CELF4: variants seen among roughly 807,000 people sequenced by gnomAD.
CELF4 encodes the protein CUG-BP- and ETR-3-like factor 4.
In CELF4, 18 loss-of-function variants were observed where a neutral mutation model predicts 59.9. That is an observed-to-expected ratio of 0.30 (90% CI 0.21 to 0.45). The LOEUF (loss-of-function observed/expected upper bound fraction) is 0.45. CELF4 is among the 20% of genes least tolerant of loss of function. The probability of loss-of-function intolerance (pLI) is 1.00; values close to 1 mark genes in which losing one functional copy is unlikely to be tolerated. For synonymous variants in CELF4, 261 were observed against 267.1 expected (o/e 0.98, Z 0.22); for missense variants, 456 against 689.0 (o/e 0.66, Z 3.79).
chr18:37,427,047 GGA>G (rs2099618753), intron 2 of CELF4, among the ~76,000 whole-genome samples: 1 of 151,462 alleles, frequency 6.6e-6, no homozygotes, highest in Non-Finnish European at 1.5e-5. Flanking sequence ...CGGGGGGGGG[GGA>G]AGCTGGGCAC....
intron 1 of CELF4, among the ~76,000 whole-genome samples, chr18:37,553,878 G>A (rs1292952528): frequency 1.3e-5 from 2 of 152,318 alleles, no homozygotes; most frequent in African/African-American, 4.8e-5. Context: ...ACTGGGGCCC[G>A]CAGTGTGTGT....
chr18:37,270,680 G>C, intron 8 of CELF4, 88 bp downstream of exon 8: 1 of 1,491,146 alleles, frequency 6.7e-7, no homozygotes, highest in Non-Finnish European at 9.3e-7. Flanking sequence ...GAGGGCAGGA[G>C]CCACATCTTG....
intron 1 of CELF4, among the ~76,000 whole-genome samples, chr18:37,521,671 C>T (rs557847368): frequency 6.6e-6 from 1 of 152,310 alleles, no homozygotes; most frequent in South Asian, 2.1e-4. Flanking sequence ...TCAGAGCGTG[C>T]CTGTCTCCCG....
chr18:37,366,696 C>T (rs2154562827), intron 2 of CELF4, among the ~76,000 whole-genome samples: 1 of 152,244 alleles, frequency 6.6e-6, no homozygotes, highest in East Asian at 1.9e-4. Flanking sequence ...GGCATCGCCA[C>T]TATCATTGGA....
intron 2 of CELF4, among the ~76,000 whole-genome samples, chr18:37,368,723 C>G (rs2098820173): frequency 6.6e-6 from 1 of 152,220 alleles, no homozygotes; most frequent in African/African-American, 2.4e-5. Context: ...ACAGCATCCT[C>G]CTCCCCTTCC....
intron 1 of CELF4, among the ~76,000 whole-genome samples, chr18:37,536,987 T>C (rs9954961): frequency 0.57 from 86,647 of 152,002 alleles, 25,450 homozygotes; most frequent in East Asian, 0.79. Context: ...TGTAGCACAT[T>C]CCCTGGGACT....
At chr18:37,454,774 AT>A (rs749594102) in intron 2 of CELF4, among the ~76,000 whole-genome samples, 60 of 152,358 alleles carry the variant, frequency 3.9e-4, no homozygotes, top group Non-Finnish European at 7.1e-4. Flanking sequence ...TTTTTTAAAA[AT>A]AACATGATTA....
chr18:37,506,484 T>G (rs1483871289), intron 1 of CELF4, among the ~76,000 whole-genome samples: 1 of 152,144 alleles, frequency 6.6e-6, no homozygotes, highest in African/African-American at 2.4e-5. Flanking sequence ...AGTGACCTCA[T>G]GGGCACAGAG....
intron 2 of CELF4, 37 bp from the exon 3 acceptor site, chr18:37,321,918 C>T: frequency 1.3e-6 from 2 of 1,565,900 alleles, no homozygotes; most frequent in Non-Finnish European, 1.7e-6. Flanking sequence ...TTATAGCAGG[C>T]CTGCGGGTGA....
intron 2 of CELF4, among the ~76,000 whole-genome samples, chr18:37,481,328 C>T (rs775043614): frequency 1.3e-5 from 2 of 152,184 alleles, no homozygotes; most frequent in Non-Finnish European, 2.9e-5. Flanking sequence ...TGGCTGGACC[C>T]AGCTCTTCCC....
chr18:37,544,920 TG>T (rs1440418309), intron 1 of CELF4, among the ~76,000 whole-genome samples: 6 of 152,284 alleles, frequency 3.9e-5, no homozygotes, highest in Non-Finnish European at 1.5e-5. Flanking sequence ...GAGCTGATCC[TG>T]GGGCTCCAGG....
At chr18:37,335,444 G>A (rs1369115742) in intron 2 of CELF4, among the ~76,000 whole-genome samples, 2 of 152,004 alleles carry the variant, frequency 1.3e-5, no homozygotes, top group Admixed American at 6.5e-5. Flanking sequence ...ATGCATGTGT[G>A]TGCATGTCCA....
chr18:37,525,935 T>C (rs2099963387), intron 1 of CELF4, among the ~76,000 whole-genome samples: 1 of 152,158 alleles, frequency 6.6e-6, no homozygotes. Flanking sequence ...GAAATGCAAA[T>C]TCTTAAACAT....
At chr18:37,393,912 A>AG (rs200830647) in intron 2 of CELF4, among the ~76,000 whole-genome samples, 1 of 105,736 alleles carries the variant, frequency 9.5e-6, no homozygotes, top group Non-Finnish European at 1.9e-5. Flanking sequence ...GCAAAGGCTA[A>AG]GGGAAAAAAA....
chr18:37,356,516 G>A (rs1205134837), intron 2 of CELF4, among the ~76,000 whole-genome samples: 1 of 152,100 alleles, frequency 6.6e-6, no homozygotes, highest in East Asian at 1.9e-4. Context: ...GTGCTGGGAA[G>A]GCCAGAGGTG....
At chr18:37,301,250 C>T (rs2096012840) in intron 3 of CELF4, among the ~76,000 whole-genome samples, 1 of 152,126 alleles carries the variant, frequency 6.6e-6, no homozygotes, top group African/African-American at 2.4e-5. Flanking sequence ...GCCTGGGGTC[C>T]CAGTGGGTCC....
rs1305398611 is a variant in CELF4 at position 37,253,382 on chromosome 18, G to T, written c.*44+385C>A. ...GGTCTGGGAGCAGGCCCCGCGGGCGGCTGCAGCTCTTCTGGGTAGAGCCTG... is the reference window on the plus strand; with the variant it reads ...GGTCTGGGAGCAGGCCCCGCGGGCGTCTGCAGCTCTTCTGGGTAGAGCCTG... On this transcript the variant is annotated intron_variant, in intron 12 of 12. Coordinates refer to ENST00000420428, the MANE Select transcript of CELF4 (RefSeq NM_020180.4). The surrounding 1 kb of genome is among the most constrained non-coding windows in gnomAD (Gnocchi z 4.5). 6.6e-6 allele frequency among the ~76,000 whole-genome samples: 1 copy of T among 152,194 alleles called. No homozygotes were observed. The highest frequency in any genetic ancestry group is 1.5e-5 in the Non-Finnish European group (1 of 68,028).
chr18:37,299,729 G>A (rs1406184795), intron 3 of CELF4, among the ~76,000 whole-genome samples: 2 of 152,222 alleles, frequency 1.3e-5, no homozygotes, highest in Non-Finnish European at 2.9e-5. Flanking sequence ...TTTCTCAAAT[G>A]TGTTTCTCTG....
chr18:37,275,324 G>A, intron 3 of CELF4, 81 bp from the exon 4 acceptor site: 1 of 1,448,482 alleles, frequency 6.9e-7, no homozygotes. Flanking sequence ...GGGGAGAGCG[G>A]CAGGGAAAGG....
Sources: allele counts gnomAD v4.1 joint callset (sites outside exome capture counted in the v4.1 genomes callset), GRCh38; gene constraint gnomAD v4.1.1; non-coding constraint Gnocchi (gnomAD v3.1); transcripts MANE v1.5; gene names NCBI Gene and HGNC (gene_info 2026-07-23, HGNC 2026-07-21).